Variants in RALGAPB observed in about 807,000 individuals in gnomAD.
The protein encoded by RALGAPB is Ral GTPase activating protein non-catalytic subunit beta, also known as ral GTPase-activating protein subunit beta.
RALGAPB carries 25 observed loss-of-function variants against 161.1 expected under a neutral mutation model. That is an observed-to-expected ratio of 0.16 (90% CI 0.11 to 0.22). The LOEUF is 0.22. RALGAPB is among the 10% of genes least tolerant of loss of function. The pLI is 1.00. For missense variants in RALGAPB, 1,391 were observed against 1,815.2 expected (o/e 0.77, Z 4.25); for synonymous variants, 629 against 626.1 (o/e 1.00, Z -0.07).
intron 13 of RALGAPB, 72 bp downstream of exon 13, chr20:38,526,114 A>T (rs1255061524): frequency 2.8e-5 from 42 of 1,522,248 alleles, no homozygotes; most frequent in Non-Finnish European, 3.5e-5. Context: ...AGGAGGCGGC[A>T]GTCGGTAATG....
intron 1 of RALGAPB, among the ~76,000 whole-genome samples, chr20:38,479,139 TTTCTC>T (rs773646891): frequency 3.4e-4 from 51 of 152,224 alleles, no homozygotes; most frequent in Non-Finnish European, 7.2e-4. Flanking sequence ...TCATCTTTGA[TTTCTC>T]TTGTCTTCCT....
chr20:38,551,994 G>A (rs2087390897), intron 21 of RALGAPB, among the ~76,000 whole-genome samples: 1 of 152,126 alleles, frequency 6.6e-6, no homozygotes, highest in African/African-American at 2.4e-5. Flanking sequence ...GTGTACAGTA[G>A]GAGGGATAAT....
chr20:38,520,314 T>C, intron 9 of RALGAPB: 1 of 814,054 alleles, frequency 1.2e-6, no homozygotes, highest in Non-Finnish European at 1.5e-6. Flanking sequence ...ATTGCAGTCA[T>C]GTTTTTATTT....
At chr20:38,502,241 C>G (rs1253206349) in intron 5 of RALGAPB, among the ~76,000 whole-genome samples, 1 of 152,152 alleles carries the variant, frequency 6.6e-6, no homozygotes, top group Non-Finnish European at 1.5e-5. Context: ...TCTGCTTGAG[C>G]AGTTAATCTC....
chr20:38,504,144 A>G (rs1216593431), intron 5 of RALGAPB, among the ~76,000 whole-genome samples: 1 of 152,236 alleles, frequency 6.6e-6, no homozygotes, highest in Non-Finnish European at 1.5e-5. Context: ...AAGCAAAAAG[A>G]ACAAAGCTGG....
intron 10 of RALGAPB, among the ~76,000 whole-genome samples, chr20:38,524,434 G>T (rs764932239): frequency 2.6e-5 from 4 of 152,130 alleles, no homozygotes; most frequent in Non-Finnish European, 4.4e-5. Flanking sequence ...CTTATTTGCA[G>T]GCCCCTAGAA....
At chr20:38,478,653 G>C (rs989381173) in intron 1 of RALGAPB, among the ~76,000 whole-genome samples, 1 of 151,682 alleles carries the variant, frequency 6.6e-6, no homozygotes, top group Non-Finnish European at 1.5e-5. Context: ...TTTCGCTCTT[G>C]TTGTTCAGGC....
chr20:38,547,765 T>G (rs1025893652), intron 19 of RALGAPB: 5 of 152,188 alleles, frequency 3.3e-5, no homozygotes, highest in African/African-American at 1.2e-4. Flanking sequence ...CCCAAGTCTT[T>G]TCTACAGGCA....
intron 27 of RALGAPB, 110 bp from the exon 28 acceptor site, chr20:38,570,659 T>C: frequency 1.5e-6 from 1 of 650,854 alleles, no homozygotes; most frequent in South Asian, 2.0e-5. Flanking sequence ...GACAGCACAG[T>C]CCATATATTT....
rs775805880 is a variant in RALGAPB at position 38,546,248 on chromosome 20, T to C, written c.2720T>C (p.Met907Thr). ...DAAEATLTCI[M>T]QLLGAFPSPS... ...ATCTTTTCCATTCTCCATAGCATTA[T>C]GCAGTTGCTCGGCGCATTTCCTTCA... is the stretch of plus-strand genomic sequence containing the variant. The change falls in exon 19 of 30, where the codon ATG (methionine) becomes ACG (threonine). Residue 907 changes from methionine to threonine, a missense_variant. Met to Thr is a moderately conservative substitution (Grantham distance 81, BLOSUM62 -1). Transcript: ENST00000262879. 3.7e-6 allele frequency: 6 copies of C among 1,614,010 alleles called. No homozygotes were observed. The highest frequency in any genetic ancestry group is 5.1e-6 in the Non-Finnish European group (6 of 1,179,958).
At chr20:38,493,705 G>A (rs946655432) in intron 3 of RALGAPB, among the ~76,000 whole-genome samples, 13 of 152,158 alleles carry the variant, frequency 8.5e-5, no homozygotes, top group Admixed American at 2.6e-4. Flanking sequence ...TCTGTCATAC[G>A]GTGAGGGACT....
chr20:38,564,209 G>A (rs767822376), intron 24 of RALGAPB, among the ~76,000 whole-genome samples: 1 of 152,180 alleles, frequency 6.6e-6, no homozygotes, highest in Non-Finnish European at 1.5e-5. Flanking sequence ...CACACCAGGA[G>A]TCAGAAAACT....
chr20:38,549,358 G>A (rs141610006), intron 20 of RALGAPB, among the ~76,000 whole-genome samples: 1 of 151,792 alleles, frequency 6.6e-6, no homozygotes, highest in Non-Finnish European at 1.5e-5. Flanking sequence ...CTCCTGAGTA[G>A]CTGAGACTGT....
At chr20:38,567,069 A>C in intron 25 of RALGAPB, 27 bp from the exon 26 acceptor site, 1 of 1,608,696 alleles carries the variant, frequency 6.2e-7, no homozygotes, top group Non-Finnish European at 8.5e-7. Flanking sequence ...TATGTATTAT[A>C]GTTGCTTTTT....
chr20:38,572,741 C>G (rs2088285850), intron 28 of RALGAPB, among the ~76,000 whole-genome samples: 1 of 152,146 alleles, frequency 6.6e-6, no homozygotes, highest in African/African-American at 2.4e-5. Flanking sequence ...TCTTAACGTT[C>G]CAAATACATC....
intron 5 of RALGAPB, 21 bp from the exon 6 acceptor site, chr20:38,509,053 CAGT>C (rs779955525): frequency 6.8e-6 from 11 of 1,610,154 alleles, no homozygotes; most frequent in East Asian, 2.2e-5. Flanking sequence ...GAAATGGACT[CAGT>C]GGTGTGCATT....
At chr20:38,513,127 G>C (rs917116770) in intron 6 of RALGAPB, among the ~76,000 whole-genome samples, 2 of 152,136 alleles carry the variant, frequency 1.3e-5, no homozygotes, top group Admixed American at 6.6e-5. Context: ...TAGCACTTTT[G>C]GAGGCCAACG....
At chr20:38,565,253 A>G in intron 24 of RALGAPB, 106 bp from the exon 25 acceptor site, 1 of 1,305,198 alleles carries the variant, frequency 7.7e-7, no homozygotes, top group Non-Finnish European at 1.1e-6. Flanking sequence ...GAAAACATAT[A>G]TTCTATTTAT....
chr20:38,516,380 G>T lies in RALGAPB; in HGVS notation c.1051+10G>T. The T allele has an allele frequency of 6.2e-7, 1 of 1,610,532 alleles. No homozygotes were observed. The highest frequency in any genetic ancestry group is 2.2e-5 in the East Asian group (1 of 44,838). ...GTGGATGCATTCTTAGGTGAATTTT[G>T]TGTATGTTGCTAGATGTATGAAGAG... On this transcript the variant is annotated intron_variant, in intron 7 of 29. Coordinates refer to ENST00000262879, the MANE Select transcript of RALGAPB (RefSeq NM_020336.4).
Sources: gnomAD v4.1 joint callset for allele counts (sites outside exome capture counted in the v4.1 genomes callset) on GRCh38, gnomAD v4.1.1 for gene constraint, MANE v1.5 for transcripts, NCBI Gene and HGNC (gene_info 2026-07-23, HGNC 2026-07-21) for gene names.